The following EFHD1 variants were observed in gnomAD, a reference collection of about 807,000 sequenced individuals.
The protein encoded by EFHD1 is EF-hand domain family member D1.
In EFHD1, 10 loss-of-function variants were observed where a neutral mutation model predicts 17.2. The ratio of observed to expected loss-of-function variants is 0.58; its 90% CI spans 0.36 to 0.99. The LOEUF (loss-of-function observed/expected upper bound fraction) is 0.99, where lower values mean the gene tolerates loss of function less well. Among genes scored for constraint, EFHD1 ranks in the 50% least tolerant of loss-of-function variants. The pLI, the probability that EFHD1 is intolerant of heterozygous loss-of-function variation, is 0.01. For missense variants in EFHD1, 310 were observed against 327.5 expected (o/e 0.95, Z 0.41); for synonymous variants, 153 against 142.0 (o/e 1.08, Z -0.55).
chr2:232,613,675 T>TACACACACACAA (rs1559335690), intron 1 of EFHD1, among the ~76,000 whole-genome samples: 1 of 22,822 alleles, frequency 4.4e-5, no homozygotes, highest in African/African-American at 1.9e-4. Context: ...CACACACAAA[T>TACACACACACAA]ATACACACAT....
At chr2:232,614,025 C>T (rs1481695591) in intron 1 of EFHD1, among the ~76,000 whole-genome samples, 1 of 143,394 alleles carries the variant, frequency 7.0e-6, no homozygotes, top group African/African-American at 2.6e-5. Flanking sequence ...CACACAAATA[C>T]ACACACAAAC....
intron 1 of EFHD1, among the ~76,000 whole-genome samples, chr2:232,612,794 G>A (rs557769514): frequency 5.4e-5 from 8 of 149,022 alleles, no homozygotes; most frequent in African/African-American, 1.2e-4. Flanking sequence ...GTGCAGTGGC[G>A]TGATCTCGGC....
At chr2:232,635,450 G>T (rs1290715858) in intron 1 of EFHD1, among the ~76,000 whole-genome samples, 3 of 152,204 alleles carry the variant, frequency 2.0e-5, no homozygotes, top group Non-Finnish European at 2.9e-5. Flanking sequence ...GTGATAAAAA[G>T]AGTCCATATG....
At chr2:232,661,665 C>G (rs543979746) in intron 1 of EFHD1, 5 of 148,118 alleles carry the variant, frequency 3.4e-5, no homozygotes, top group Non-Finnish European at 5.9e-5. Context: ...CTCCCAGTAG[C>G]TCTCCCACCT....
chr2:232,633,622 G>C lies in EFHD1; in HGVS notation c.-83G>C, dbSNP rs1694244932. 2.2e-6 allele frequency: 3 copies of C among 1,342,468 alleles called. No individual in the cohort carries two copies. The highest frequency in any genetic ancestry group is 2.8e-6 in the Non-Finnish European group (3 of 1,055,280). 83.2% of individuals were successfully genotyped at this position (1,342,468 alleles called of 1,614,324 possible). ...CCTCGGCGGAGTGTTGTAGAGCCTC[G>C]AGCCTGCGAGGAGCGCGCCGCCCGC... On this transcript the variant is annotated 5_prime_UTR_variant, in exon 1 of 4. Coordinates refer to ENST00000264059, the MANE Select transcript of EFHD1 (RefSeq NM_025202.4).
At chr2:232,671,583 G>A (rs780099570) in intron 2 of EFHD1, among the ~76,000 whole-genome samples, 3 of 151,512 alleles carry the variant, frequency 2.0e-5, no homozygotes, top group African/African-American at 4.8e-5. Flanking sequence ...AAAAATTAGC[G>A]AGGCATGATG....
chr2:232,651,673 T>C (rs1002955925), intron 1 of EFHD1, among the ~76,000 whole-genome samples: 2 of 152,150 alleles, frequency 1.3e-5, no homozygotes, highest in Non-Finnish European at 2.9e-5. Context: ...ATACAAAAAA[T>C]TAGCTAGGCG....
At chr2:232,614,051 CAT>C (rs1407292108) in intron 1 of EFHD1, among the ~76,000 whole-genome samples, 1 of 105,314 alleles carries the variant, frequency 9.5e-6, no homozygotes, top group East Asian at 3.1e-4. Flanking sequence ...CAAACACACA[CAT>C]ACATACACAT....
At chr2:232,667,548 T>A (rs34247311) in intron 2 of EFHD1, among the ~76,000 whole-genome samples, 26,555 of 148,514 alleles carry the variant, frequency 0.18, 2,847 homozygotes, top group African/African-American at 0.31. Context: ...TTAATTTATT[T>A]ATTTATTTAT....
upstream of EFHD1, among the ~76,000 whole-genome samples, chr2:232,632,820 C>G (rs542879412): frequency 5.9e-5 from 9 of 152,272 alleles, no homozygotes; most frequent in South Asian, 1.9e-3. Context: ...TAGAGACAGT[C>G]TAACTATGTT....
At chr2:232,667,140 G>A (rs1445906133) in intron 2 of EFHD1, among the ~76,000 whole-genome samples, 3 of 152,226 alleles carry the variant, frequency 2.0e-5, no homozygotes, top group Non-Finnish European at 4.4e-5. Flanking sequence ...AATTTCTGTT[G>A]TGTGAGCCAC....
At chr2:232,635,572 A>C (rs1694303613) in intron 1 of EFHD1, among the ~76,000 whole-genome samples, 1 of 152,132 alleles carries the variant, frequency 6.6e-6, no homozygotes, top group Non-Finnish European at 1.5e-5. Flanking sequence ...TAATCCCAGC[A>C]CTCTGGGAGG....
chr2:232,645,810 G>C (rs975148640), intron 1 of EFHD1, among the ~76,000 whole-genome samples: 15 of 152,204 alleles, frequency 9.9e-5, no homozygotes, highest in African/African-American at 3.6e-4. Context: ...GCACAGAGAA[G>C]CCAGGGAACT....
intron 3 of EFHD1, among the ~76,000 whole-genome samples, chr2:232,674,899 A>G (rs979149764): frequency 6.6e-6 from 1 of 152,076 alleles, no homozygotes; most frequent in South Asian, 2.1e-4. Flanking sequence ...AGGCGTCCCA[A>G]TGTGAGGATA....
chr2:232,681,512 C>T, intron 3 of EFHD1, 73 bp from the exon 4 acceptor site: 1 of 1,559,906 alleles, frequency 6.4e-7, no homozygotes, highest in Non-Finnish European at 8.7e-7. Context: ...GGGCTGTTGG[C>T]TCAGGTGTCA....
At chr2:232,646,031 G>GGCCCTATTGGACCACCT (rs1694520290) in intron 1 of EFHD1, among the ~76,000 whole-genome samples, 1 of 152,164 alleles carries the variant, frequency 6.6e-6, no homozygotes, top group Non-Finnish European at 1.5e-5. Flanking sequence ...CTGACCTCCA[G>GGCCCTATTGGACCACCT]GCCCTATTGG....
chr2:232,628,362 T>A (rs1179036137), intron 1 of EFHD1, among the ~76,000 whole-genome samples: 1 of 152,170 alleles, frequency 6.6e-6, no homozygotes, highest in East Asian at 1.9e-4. Flanking sequence ...TGCCTGGCCA[T>A]GACATGAAAT....
At chr2:232,610,572 C>T (rs550184185) in intron 1 of EFHD1, among the ~76,000 whole-genome samples, 11 of 151,522 alleles carry the variant, frequency 7.3e-5, no homozygotes, top group Admixed American at 2.0e-4. Flanking sequence ...TCCGTCCCCC[C>T]GCCCCGAAAA....
chr2:232,615,185 A>C (rs569451263), intron 1 of EFHD1, among the ~76,000 whole-genome samples: 69 of 152,214 alleles, frequency 4.5e-4, no homozygotes, highest in African/African-American at 1.6e-3. Flanking sequence ...TGTTTGCGCT[A>C]TAGGCAAGGC....
Sources: allele counts gnomAD v4.1 joint callset (sites outside exome capture counted in the v4.1 genomes callset), GRCh38; gene constraint gnomAD v4.1.1; transcripts MANE v1.5; gene names NCBI Gene and HGNC (gene_info 2026-07-23, HGNC 2026-07-21).